POP1: variants seen among roughly 807,000 people sequenced by gnomAD.
POP1 encodes the protein ribonucleases P/MRP protein subunit POP1.
A neutral mutation model predicts 102.2 loss-of-function variants in POP1; 75 were observed. The ratio of observed to expected loss-of-function variants is 0.73; its 90% CI spans 0.61 to 0.89. The LOEUF (loss-of-function observed/expected upper bound fraction) is 0.89. Among genes scored for constraint, POP1 ranks in the 40% least tolerant of loss-of-function variants. POP1 has a pLI of 0.00. For missense variants in POP1, 1,116 were observed against 1,267.4 expected (o/e 0.88, Z 1.81); for synonymous variants, 436 against 464.1 (o/e 0.94, Z 0.78).
Position 98,134,717 on chromosome 8 carries a change from G to C in POP1, c.1011+58G>C, listed in dbSNP as rs138648922. On this transcript the variant is annotated intron_variant, in intron 7 of 15. Transcript: ENST00000401707. ...GAAACTGCATTTTTAATTACTGCTGGAAGTCAATACTGTAGAAATGTAAAT... is the reference window on the plus strand; with the variant it reads ...GAAACTGCATTTTTAATTACTGCTGCAAGTCAATACTGTAGAAATGTAAAT... 664 of 1,488,070 alleles carry C rather than the reference G, an allele frequency of 4.5e-4. 7 individuals are homozygous for C. In the African/African-American group the frequency reaches 7.4e-3, roughly 17 times the overall value. The allele number at this position is 1,488,070 out of a possible 1,614,324, so 92.2% of individuals were successfully genotyped here.
chr8:98,120,168 G>A (rs1815969564), intron 1 of POP1, among the ~76,000 whole-genome samples: 1 of 152,208 alleles, frequency 6.6e-6, no homozygotes. Context: ...TATTTGGAAT[G>A]GCTTTTAATG....
intron 2 of POP1, among the ~76,000 whole-genome samples, chr8:98,127,332 C>T (rs1805856670): frequency 6.6e-6 from 1 of 152,118 alleles, no homozygotes; most frequent in Non-Finnish European, 1.5e-5. Flanking sequence ...GAAAATTTCA[C>T]CTGTATCTGT....
At chr8:98,123,515 A>G in intron 2 of POP1, 36 bp downstream of exon 2, 2 of 1,600,518 alleles carry the variant, frequency 1.2e-6, no homozygotes, top group South Asian at 1.1e-5. Context: ...ATGGTGGCTC[A>G]CGCCTGTAAT....
Position 98,156,134 on chromosome 8 carries a change from C to G in POP1, c.2142C>G (p.Asp714Glu), listed in dbSNP as rs1490870012. The G allele has an allele frequency of 6.2e-7, 1 of 1,614,112 alleles. No homozygotes were observed. The highest frequency in any genetic ancestry group is 8.5e-7 in the Non-Finnish European group (1 of 1,180,018). The change falls in exon 15 of 16, where the codon GAC (aspartate) becomes GAG (glutamate). Residue 714 changes from aspartate (D) to glutamate (E), a missense_variant. Coordinates refer to ENST00000401707, the MANE Select transcript of POP1 (RefSeq NM_001145860.2). The part of the protein sequence containing the change: ...FCCPWEQLTQ[D>E]WESRVQAYEE... ...GTCCCTGGGAGCAGTTAACTCAAGACTGGGAGTCAAGAGTCCAGGCTTACG... is the reference window on the plus strand; with the variant it reads ...GTCCCTGGGAGCAGTTAACTCAAGAGTGGGAGTCAAGAGTCCAGGCTTACG...
chr8:98,131,043 T>C (rs1197159282), intron 5 of POP1, among the ~76,000 whole-genome samples: 1 of 152,262 alleles, frequency 6.6e-6, no homozygotes, highest in Non-Finnish European at 1.5e-5. Flanking sequence ...TTACTATTGG[T>C]GTCCTTTGAT....
chr8:98,120,132 T>G (rs548207033), intron 1 of POP1, among the ~76,000 whole-genome samples: 4 of 152,342 alleles, frequency 2.6e-5, no homozygotes, highest in Non-Finnish European at 4.4e-5. Context: ...CAGGTAACAG[T>G]AGGTTAACTA....
intron 1 of POP1, among the ~76,000 whole-genome samples, 197 bp downstream of exon 1, chr8:98,117,587 C>G (rs1815879384): frequency 6.6e-6 from 1 of 152,202 alleles, no homozygotes; most frequent in Non-Finnish European, 1.5e-5. Context: ...GAGCCCCCTA[C>G]GTCAGTCATT....
chr8:98,144,347 C>G (rs1368570902), intron 11 of POP1, among the ~76,000 whole-genome samples: 1 of 152,094 alleles, frequency 6.6e-6, no homozygotes, highest in African/African-American at 2.4e-5. Flanking sequence ...GCAATCATGG[C>G]TCACTGCAGC....
intron 2 of POP1, among the ~76,000 whole-genome samples, chr8:98,123,987 C>T (rs1340938860): frequency 6.6e-6 from 1 of 152,116 alleles, no homozygotes; most frequent in East Asian, 1.9e-4. Context: ...ACCCATGAAG[C>T]TTTGGCTATC....
chr8:98,123,775 C>CAAA (rs1274675081), intron 2 of POP1, among the ~76,000 whole-genome samples: 2 of 123,804 alleles, frequency 1.6e-5, no homozygotes, highest in Non-Finnish European at 3.4e-5. Flanking sequence ...GACTGTGTCT[C>CAAA]AAAAAAAAAA....
intron 2 of POP1, among the ~76,000 whole-genome samples, chr8:98,125,159 T>G (rs1221016839): frequency 1.3e-5 from 2 of 151,178 alleles, no homozygotes; most frequent in Non-Finnish European, 2.9e-5. Context: ...TCTACTGATC[T>G]CTCCCTTAAT....
chr8:98,120,866 T>C (rs1815998571), intron 1 of POP1, among the ~76,000 whole-genome samples: 1 of 152,172 alleles, frequency 6.6e-6, no homozygotes, highest in Non-Finnish European at 1.5e-5. Flanking sequence ...CAGGATGGTC[T>C]TGATCTCCTG....
chr8:98,149,185 G>C (rs1809451656), intron 13 of POP1, among the ~76,000 whole-genome samples, 179 bp downstream of exon 13: 1 of 152,174 alleles, frequency 6.6e-6, no homozygotes, highest in Non-Finnish European at 1.5e-5. Context: ...CCTGGAGCCA[G>C]GTTCTCATTA....
chr8:98,153,033 G>A (rs531533932), intron 14 of POP1, among the ~76,000 whole-genome samples: 2 of 152,086 alleles, frequency 1.3e-5, no homozygotes, highest in Admixed American at 6.6e-5. Flanking sequence ...GCAGTGGTGC[G>A]ATCATAGCTT....
intron 5 of POP1, among the ~76,000 whole-genome samples, chr8:98,133,676 G>A (rs995231935): frequency 5.3e-5 from 8 of 152,188 alleles, no homozygotes; most frequent in African/African-American, 7.2e-5. Flanking sequence ...GTAGGATACC[G>A]TAACTTACAT....
intron 14 of POP1, among the ~76,000 whole-genome samples, chr8:98,154,595 G>T (rs1342581555): frequency 6.6e-6 from 1 of 152,180 alleles, no homozygotes; most frequent in Non-Finnish European, 1.5e-5. Flanking sequence ...AGGGTGGGAA[G>T]GTGACTGGTG....
At chr8:98,157,215 T>C (rs370195868) in intron 15 of POP1, among the ~76,000 whole-genome samples, 2 of 152,334 alleles carry the variant, frequency 1.3e-5, no homozygotes, top group Middle Eastern at 3.4e-3. Context: ...CCCTCTAGCC[T>C]TGTGCTTACT....
rs1809487425 is a variant in POP1, at chr8:98,150,526, A to G, written c.1944A>G (p.Ala648=). 1.9e-6 allele frequency: 3 copies of G among 1,613,994 alleles called. No individual in the cohort carries two copies. Among genetic ancestry groups the G allele is most frequent in the African/African-American group, 2.7e-5 (2 of 74,922 alleles). ...GAGTCGGAGGGTTGAAAGAGTCTGCAGTGCATTCTCAGTATAAGAGGTCGC... is the reference window on the plus strand; with the variant it reads ...GAGTCGGAGGGTTGAAAGAGTCTGCGGTGCATTCTCAGTATAAGAGGTCGC... ...GVRVGGLKES[A]VHSQYKRSPN... is the part of the protein sequence containing the mutation. Residue 648 remains alanine (A), a synonymous_variant, in exon 14 of 16, where the codon GCA becomes GCG. Coordinates refer to ENST00000401707, the MANE Select transcript of POP1 (RefSeq NM_001145860.2).
At position 98,150,473 on chromosome 8, in the gene POP1, C is replaced by T; in HGVS notation, c.1903-12C>T. ...TGGTAGACTGACAGTATCTTTTTGA[C>T]ATTTCTTTTAGATTTATCGAGGTGT... On this transcript the variant is annotated splice_polypyrimidine_tract_variant and intron_variant, in intron 13 of 15. Transcript: ENST00000401707. 1 of 1,613,624 alleles carries T rather than the reference C, an allele frequency of 6.2e-7. No homozygotes were observed. Among genetic ancestry groups the T allele is most frequent in the Non-Finnish European group, 8.5e-7 (1 of 1,179,914 alleles).
Sources: gnomAD v4.1 joint callset for allele counts (sites outside exome capture counted in the v4.1 genomes callset) on GRCh38, gnomAD v4.1.1 for gene constraint, MANE v1.5 for transcripts, NCBI Gene and HGNC (gene_info 2026-07-23, HGNC 2026-07-21) for gene names.